The following TMPRSS4 variants were observed in gnomAD, a reference collection of about 807,000 sequenced individuals.
TMPRSS4 encodes transmembrane protease serine 4.
TMPRSS4 carries 45 observed loss-of-function variants against 56.4 expected under a neutral mutation model. The ratio of observed to expected loss-of-function variants is 0.80; its 90% CI spans 0.63 to 1.02. The LOEUF (loss-of-function observed/expected upper bound fraction) is 1.02, where lower values mean the gene tolerates loss of function less well. Among genes scored for constraint, TMPRSS4 ranks in the 50% least tolerant of loss-of-function variants. TMPRSS4 has a pLI of 0.00. For missense variants in TMPRSS4, 546 were observed against 556.7 expected (o/e 0.98, Z 0.19); for synonymous variants, 205 against 211.0 (o/e 0.97, Z 0.25).
intron 1 of TMPRSS4, among the ~76,000 whole-genome samples, chr11:118,083,844 G>A (rs1945338240): frequency 6.6e-6 from 1 of 152,132 alleles, no homozygotes; most frequent in South Asian, 2.1e-4. Flanking sequence ...CATGAGGTCA[G>A]GAGTTCAAGA....
At chr11:118,102,895 G>A in intron 3 of TMPRSS4, 1 of 602,670 alleles carries the variant, frequency 1.7e-6, no homozygotes, top group Non-Finnish European at 2.9e-6. Context: ...ATCTTGTGGG[G>A]GTGGGGCCGG....
intron 6 of TMPRSS4, 52 bp from the exon 7 acceptor site, chr11:118,108,804 C>T: frequency 1.2e-6 from 2 of 1,607,206 alleles, no homozygotes; most frequent in Non-Finnish European, 1.7e-6. Flanking sequence ...GAGTCCCTGC[C>T]TCCCAGCTGA....
intron 5 of TMPRSS4, chr11:118,107,567 G>C: frequency 4.3e-6 from 2 of 466,588 alleles, no homozygotes; most frequent in Non-Finnish European, 7.7e-6. Context: ...TGCACTGAGG[G>C]TTGAGTCCTG....
chr11:118,087,866 A>G (rs1463743988), intron 1 of TMPRSS4, among the ~76,000 whole-genome samples: 1 of 152,230 alleles, frequency 6.6e-6, no homozygotes, highest in Non-Finnish European at 1.5e-5. Flanking sequence ...AAATGCTAAT[A>G]TCAATAAAGC....
chr11:118,104,628 T>C (rs1388253167), intron 4 of TMPRSS4, 63 bp from the exon 5 acceptor site: 1 of 1,611,846 alleles, frequency 6.2e-7, no homozygotes, highest in Non-Finnish European at 8.5e-7. Flanking sequence ...TCATGATGAG[T>C]TCTGAGGGGG....
At chr11:118,096,917 G>A (rs768026704) in intron 2 of TMPRSS4, among the ~76,000 whole-genome samples, 11 of 61,580 alleles carry the variant, frequency 1.8e-4, no homozygotes, top group African/African-American at 2.7e-4. Flanking sequence ...GAAAGGGAGA[G>A]AGAAAGGAAA....
Position 118,108,003 on chromosome 11 carries a change from A to G in TMPRSS4, c.542+128A>G, listed in dbSNP as rs1591396975. On this transcript the variant is annotated intron_variant, in intron 6 of 12. Coordinates refer to ENST00000437212, the MANE Select transcript of TMPRSS4 (RefSeq NM_019894.4). ...TAAGCAGACATCAGGAAGAACTCCT[A>G]GCCAGATGGATCATTCAATGCCAAG... is the stretch of plus-strand genomic sequence containing the variant. The G allele has an allele frequency of 1.9e-5, 13 of 686,190 alleles. No individual in the cohort carries two copies. The East Asian group carries it at 3.3e-4, about 17-fold the overall frequency. 42.5% of individuals were successfully genotyped at this position (686,190 alleles called of 1,614,324 possible). A position where few individuals can be genotyped will look rare whatever the true frequency, so the allele number is the denominator to read the frequency against.
At chr11:118,099,445 AAGAG>A (rs1465381832) in intron 3 of TMPRSS4, among the ~76,000 whole-genome samples, 1 of 42,160 alleles carries the variant, frequency 2.4e-5, no homozygotes, top group African/African-American at 9.1e-5. Flanking sequence ...AAAAAGAAAG[AAGAG>A]AGAAAGAGAG....
At chr11:118,125,069 G>A (rs1947861817), downstream of TMPRSS4, among the ~76,000 whole-genome samples, 1 of 152,220 alleles carries the variant, frequency 6.6e-6, no homozygotes, top group African/African-American at 2.4e-5. Flanking sequence ...ACCAGAGCTG[G>A]GCTTTGGGTT....
chr11:118,080,068 C>G (rs1945006057), intron 1 of TMPRSS4, among the ~76,000 whole-genome samples: 1 of 152,184 alleles, frequency 6.6e-6, no homozygotes, highest in Admixed American at 6.5e-5. Flanking sequence ...ATTGGCCAGC[C>G]TCTAAATGGG....
Position 118,119,472 on chromosome 11 carries a change from C to A in TMPRSS4, c.*1559C>A. On this transcript the variant is annotated 3_prime_UTR_variant, in exon 13 of 13. Transcript: ENST00000437212. Reference sequence around the variant, plus strand: ...AAAAATAAAAAACACCTTAAGTGGGCAGCATAAAAAACAGCTAATTTAGAA... The same window carrying A: ...AAAAATAAAAAACACCTTAAGTGGGAAGCATAAAAAACAGCTAATTTAGAA... 1.7e-6 allele frequency: 1 copy of A among 604,208 alleles called. No individual in the cohort carries two copies. The highest frequency in any genetic ancestry group is 2.1e-6 in the Non-Finnish European group (1 of 482,204). The allele number at this position is 604,208 out of a possible 1,614,324, so 37.4% of individuals were successfully genotyped here.
At position 118,090,765 on chromosome 11, in the gene TMPRSS4, G is replaced by A. The variant is rs150511139; in HGVS notation, c.4-4051G>A. Among the ~76,000 whole-genome samples, 238 of 151,354 alleles carry A rather than the reference G, an allele frequency of 1.6e-3. 8 individuals carry two copies. The East Asian group carries it at 0.035, about 22-fold the overall frequency. On this transcript the variant is annotated intron_variant, in intron 1 of 12. Coordinates refer to ENST00000437212, the MANE Select transcript of TMPRSS4 (RefSeq NM_019894.4). ...TGCACTTCAGCCTGGGCGACAGAAT[G>A]AGACTCTGTCTCTCTCTCTTTCTTT...
intron 5 of TMPRSS4, among the ~76,000 whole-genome samples, chr11:118,105,264 G>A (rs1055973018): frequency 1.3e-5 from 2 of 152,112 alleles, no homozygotes; most frequent in African/African-American, 2.4e-5. Context: ...GTTTCAGTGG[G>A]GCCCCATCTT....
At chr11:118,096,935 AG>A (rs1477076138) in intron 2 of TMPRSS4, among the ~76,000 whole-genome samples, 4 of 89,342 alleles carry the variant, frequency 4.5e-5, no homozygotes, top group African/African-American at 6.8e-5. Context: ...AAAGAAAGAA[AG>A]AGAAAGAAAG....
chr11:118,124,160 G>A (rs1375715757), downstream of TMPRSS4, among the ~76,000 whole-genome samples: 4 of 152,198 alleles, frequency 2.6e-5, no homozygotes, highest in East Asian at 7.8e-4. Context: ...GCCGAGTGGG[G>A]CAGATCACCA....
At chr11:118,117,191 C>T (rs1045678698) in intron 11 of TMPRSS4, 114 bp from the exon 12 acceptor site, 13 of 1,039,136 alleles carry the variant, frequency 1.3e-5, no homozygotes, top group African/African-American at 3.1e-5. Flanking sequence ...GGTGGAATAT[C>T]GGAGAGCAGC....
At chr11:118,109,607 A>G (rs1186381416) in intron 7 of TMPRSS4, among the ~76,000 whole-genome samples, 1 of 152,170 alleles carries the variant, frequency 6.6e-6, no homozygotes, top group Non-Finnish European at 1.5e-5. Flanking sequence ...CCCATCAAGG[A>G]TCTTTAGGGA....
intron 1 of TMPRSS4, among the ~76,000 whole-genome samples, chr11:118,077,972 C>T (rs1944796986): frequency 8.4e-6 from 1 of 119,758 alleles, no homozygotes; most frequent in South Asian, 2.7e-4. Flanking sequence ...AAGATTGTGC[C>T]ATTGCACTCC....
intron 2 of TMPRSS4, among the ~76,000 whole-genome samples, chr11:118,098,724 CG>C (rs1946549157): frequency 6.6e-6 from 1 of 152,152 alleles, no homozygotes; most frequent in African/African-American, 2.4e-5. Context: ...AGGCAAGACA[CG>C]GGGGAGGTGG....
Sources: gnomAD v4.1 joint callset for allele counts (sites outside exome capture counted in the v4.1 genomes callset) on GRCh38, gnomAD v4.1.1 for gene constraint, MANE v1.5 for transcripts, NCBI Gene and HGNC (gene_info 2026-07-23, HGNC 2026-07-21) for gene names.